Variants in CHLSN observed in about 807,000 individuals in gnomAD.
CHLSN encodes cholesin, also known as protein cholesin.
the CHLSN span, among the ~76,000 whole-genome samples, chr7:996,165 G>A: frequency 6.6e-6 from 1 of 152,242 alleles, no homozygotes; most frequent in Non-Finnish European, 1.5e-5. Context: ...CACGGCTGAG[G>A]AGGCCCAGCC....
At chr7:1,002,523 TCCTGTGGGTGAGTGGAGC>T in the CHLSN span, among the ~76,000 whole-genome samples, 56 of 54,488 alleles carry the variant, frequency 1.0e-3, 6 homozygotes, top group East Asian at 6.7e-3. Context: ...GGGTGGGGAG[TCCTGTGGGTGAGTGGAGC>T]CCTGTGGGTG....
the CHLSN span, among the ~76,000 whole-genome samples, chr7:1,036,883 G>C: frequency 1.3e-4 from 19 of 148,308 alleles, no homozygotes; most frequent in African/African-American, 4.6e-4. Flanking sequence ...GCTGAGGCAG[G>C]AGTATCTCTT....
chr7:996,600 G>A, the CHLSN span, among the ~76,000 whole-genome samples: 9 of 152,284 alleles, frequency 5.9e-5, 1 homozygote, highest in South Asian at 1.9e-3. Context: ...AACAGACTTG[G>A]CCTCACAGTG....
At chr7:989,278 G>A in the CHLSN span, 6 of 173,218 alleles carry the variant, frequency 3.5e-5, no homozygotes, top group Non-Finnish European at 6.1e-5. Flanking sequence ...CTCCATTCCC[G>A]CTCCTGGAAC....
the CHLSN span, among the ~76,000 whole-genome samples, chr7:1,115,708 C>A: frequency 8.1e-6 from 1 of 123,714 alleles, no homozygotes; most frequent in Non-Finnish European, 1.7e-5. Flanking sequence ...GACTTCACTA[C>A]AGCTCTACGG....
the CHLSN span, among the ~76,000 whole-genome samples, chr7:1,034,520 C>T: frequency 0.15 from 23,263 of 152,148 alleles, 1,942 homozygotes; most frequent in Admixed American, 0.21. Flanking sequence ...TTCGGGACAT[C>T]GGACAGCTGT....
chr7:1,040,915 G>A, the CHLSN span, among the ~76,000 whole-genome samples: 3,932 of 152,344 alleles, frequency 0.026, 186 homozygotes, highest in African/African-American at 0.09. Flanking sequence ...CGTGCCGGCT[G>A]CAGCCGCGCT....
chr7:1,135,505 G>A, the CHLSN span, among the ~76,000 whole-genome samples: 1 of 151,784 alleles, frequency 6.6e-6, no homozygotes, highest in Non-Finnish European at 1.5e-5. Flanking sequence ...GGTGGCTCAC[G>A]CCTGTAATCC....
chr7:1,104,264 A>G, the CHLSN span, among the ~76,000 whole-genome samples: 7 of 152,248 alleles, frequency 4.6e-5, no homozygotes, highest in African/African-American at 1.7e-4. Flanking sequence ...AGCCTTTAAA[A>G]GCATCATCCG....
At chr7:1,062,739 C>T in the CHLSN span, among the ~76,000 whole-genome samples, 1 of 152,214 alleles carries the variant, frequency 6.6e-6, no homozygotes, top group African/African-American at 2.4e-5. Flanking sequence ...TTCCTGCCTC[C>T]GCCCTGCTGC....
At chr7:995,815 T>C in the CHLSN span, among the ~76,000 whole-genome samples, 1 of 152,324 alleles carries the variant, frequency 6.6e-6, no homozygotes, top group East Asian at 1.9e-4. Flanking sequence ...CCTGGGCCAG[T>C]GGGGTGCACA....
chr7:1,091,103 G>T, the CHLSN span, among the ~76,000 whole-genome samples: 2 of 152,166 alleles, frequency 1.3e-5, no homozygotes, highest in African/African-American at 4.8e-5. Flanking sequence ...ATTGCTTCCT[G>T]GGCCTGCTCT....
chr7:1,065,491 C>T, the CHLSN span, among the ~76,000 whole-genome samples: 2 of 152,238 alleles, frequency 1.3e-5, no homozygotes, highest in African/African-American at 4.8e-5. Context: ...GCGAAATGGA[C>T]CCACCGGGGA....
the CHLSN span, among the ~76,000 whole-genome samples, chr7:1,047,199 C>G: frequency 6.6e-6 from 1 of 152,248 alleles, no homozygotes; most frequent in Non-Finnish European, 1.5e-5. Flanking sequence ...GCTGCAGGCA[C>G]AGGTGCCCAG....
the CHLSN span, chr7:1,091,971 G>T: frequency 3.1e-6 from 5 of 1,614,106 alleles, no homozygotes; most frequent in Non-Finnish European, 4.2e-6. Flanking sequence ...TCCTGATCCT[G>T]GTGGTGAACA....
At chr7:1,023,624 A>AC in the CHLSN span, among the ~76,000 whole-genome samples, 2 of 122,384 alleles carry the variant, frequency 1.6e-5, no homozygotes, top group East Asian at 5.4e-4. The surrounding 1 kb of genome is among the most constrained non-coding windows in gnomAD (Gnocchi z 5.0). Context: ...CCTCCCAGGA[A>AC]ACACACACAC....
the CHLSN span, chr7:984,643 G>A: frequency 6.7e-7 from 1 of 1,500,550 alleles, no homozygotes; most frequent in Non-Finnish European, 8.8e-7. Context: ...AGGGGTGGGG[G>A]CTCCAGCAGC....
the CHLSN span, among the ~76,000 whole-genome samples, chr7:1,109,693 C>G: frequency 6.6e-6 from 1 of 151,796 alleles, no homozygotes; most frequent in African/African-American, 2.4e-5. Context: ...CCATGGCCAG[C>G]AGGGCCCTTC....
At chr7:985,074 C>T in the CHLSN span, 4 of 1,612,348 alleles carry the variant, frequency 2.5e-6, no homozygotes, top group African/African-American at 1.3e-5. Context: ...TGAAATGCCT[C>T]TCTGGGCAGC....
Sources: gnomAD v4.1 joint callset for allele counts (sites outside exome capture counted in the v4.1 genomes callset) on GRCh38, gnomAD v4.1.1 for gene constraint, Gnocchi (gnomAD v3.1) non-coding constraint, MANE v1.5 for transcripts, NCBI Gene and HGNC (gene_info 2026-07-23, HGNC 2026-07-21) for gene names.